Variants in DSCAML1 observed in about 807,000 individuals in gnomAD.
The protein encoded by DSCAML1 is cell adhesion molecule DSCAML1.
DSCAML1 carries 38 observed loss-of-function variants against 200.5 expected under a neutral mutation model. The observed-to-expected ratio is 0.19, with a 90% CI of 0.15 to 0.25. The LOEUF is 0.25. DSCAML1 is among the 10% of genes least tolerant of loss of function. DSCAML1 has a pLI of 1.00. For missense variants in DSCAML1, 2,223 were observed against 2,858.8 expected (o/e 0.78, Z 5.07); for synonymous variants, 1,215 against 1,165.0 (o/e 1.04, Z -0.87).
intron 3 of DSCAML1, among the ~76,000 whole-genome samples, chr11:117,563,932 G>T (rs138792222): frequency 6.6e-6 from 1 of 152,124 alleles, no homozygotes; most frequent in Non-Finnish European, 1.5e-5. Flanking sequence ...CATCTGTGAC[G>T]GGTGCCAGTC....
At chr11:117,589,721 T>G (rs1026778413) in intron 3 of DSCAML1, among the ~76,000 whole-genome samples, 4 of 152,220 alleles carry the variant, frequency 2.6e-5, no homozygotes, top group African/African-American at 9.6e-5. Context: ...TACGGAAAGC[T>G]TTCAAACGGG....
chr11:117,556,205 T>C (rs967556677), intron 3 of DSCAML1, among the ~76,000 whole-genome samples: 1 of 152,148 alleles, frequency 6.6e-6, no homozygotes, highest in African/African-American at 2.4e-5. Context: ...AAGAGCTCAG[T>C]GACCCTGCAG....
At position 117,532,367 on chromosome 11, in the gene DSCAML1, C is replaced by G. The variant is rs559334052; in HGVS notation, c.658+9G>C. 2.5e-6 allele frequency: 4 copies of G among 1,612,604 alleles called. No individual in the cohort carries two copies. Among genetic ancestry groups the G allele is most frequent in the Middle Eastern group, 1.7e-4 (1 of 5,984 alleles). ...GCCTGCCCCGTTCTCCCCAGGCCCT[C>G]TCCCCTACCTGTCACAGAGAGGCGT... On this transcript the variant is annotated intron_variant, in intron 4 of 32. Transcript: ENST00000651296.
chr11:117,449,525 A>G (rs924214541), intron 20 of DSCAML1, among the ~76,000 whole-genome samples: 1 of 152,144 alleles, frequency 6.6e-6, no homozygotes, highest in Non-Finnish European at 1.5e-5. Context: ...GAGCAATTTC[A>G]GGGCAGCTTT....
At chr11:117,756,667 G>C (rs1052627145) in intron 3 of DSCAML1, among the ~76,000 whole-genome samples, 6 of 151,854 alleles carry the variant, frequency 4.0e-5, no homozygotes, top group Admixed American at 3.9e-4. Context: ...TTAGGTAAAG[G>C]GCCAAGGGCT....
At chr11:117,511,885 C>T (rs2049625603) in intron 8 of DSCAML1, among the ~76,000 whole-genome samples, 1 of 152,254 alleles carries the variant, frequency 6.6e-6, no homozygotes, top group African/African-American at 2.4e-5. Flanking sequence ...CACGTGCATG[C>T]AATACGTACC....
intron 1 of DSCAML1, among the ~76,000 whole-genome samples, chr11:117,809,485 C>A (rs1307607180): frequency 2.6e-5 from 4 of 152,226 alleles, no homozygotes; most frequent in South Asian, 4.1e-4. Flanking sequence ...TCTGCCTCCC[C>A]CTAGTGCCAC....
intron 3 of DSCAML1, among the ~76,000 whole-genome samples, chr11:117,769,251 T>C (rs796720289): frequency 0.26 from 9,304 of 36,156 alleles, 751 homozygotes; most frequent in East Asian, 0.4. Flanking sequence ...TATATATGTA[T>C]ATATTATATA....
chr11:117,651,966 C>T (rs1044883673), intron 3 of DSCAML1, among the ~76,000 whole-genome samples: 3 of 152,094 alleles, frequency 2.0e-5, no homozygotes, highest in Admixed American at 2.0e-4. Context: ...GTCCAGCCTC[C>T]TAGGGCAGCC....
intron 3 of DSCAML1, among the ~76,000 whole-genome samples, chr11:117,741,358 A>G (rs986112265): frequency 2.6e-5 from 4 of 152,262 alleles, no homozygotes; most frequent in Non-Finnish European, 5.9e-5. Context: ...AATGGTGATG[A>G]TAAGTGCAAT....
At chr11:117,614,894 C>T (rs2051778999) in intron 3 of DSCAML1, among the ~76,000 whole-genome samples, 1 of 152,218 alleles carries the variant, frequency 6.6e-6, no homozygotes, top group Admixed American at 6.5e-5. Context: ...GCCAACACTG[C>T]CCCTGCAGGC....
chr11:117,432,371 A>C lies in DSCAML1; in HGVS notation c.5160T>G (p.Ser1720=), dbSNP rs1003727076. ...GCGTACTGGTTCCTGGCCGGATGTCAGACATGTCGATGAGGGGTCCTGTGC... is the reference window on the plus strand; with the variant it reads ...GCGTACTGGTTCCTGGCCGGATGTCCGACATGTCGATGAGGGGTCCTGTGC... ...IQSTGPLIDM[S]DIRPGTNPVS... is the part of the protein sequence containing the mutation. Residue 1720 remains serine (S), a synonymous_variant, in exon 30 of 33, where the codon TCT becomes TCG. Transcript: ENST00000651296. The C allele has an allele frequency of 2.5e-6, 4 of 1,613,662 alleles. No individual in the cohort carries two copies. In the African/African-American group the frequency reaches 4.0e-5, roughly 16 times the overall value.
intron 3 of DSCAML1, among the ~76,000 whole-genome samples, chr11:117,764,910 T>A (rs1440382352): frequency 6.6e-6 from 1 of 152,150 alleles, no homozygotes; most frequent in Non-Finnish European, 1.5e-5. Context: ...AGAATGAAGC[T>A]CACTCCACAC....
chr11:117,512,799 A>ACACACC (rs1555179361), intron 8 of DSCAML1, among the ~76,000 whole-genome samples: 1,563 of 137,490 alleles, frequency 0.011, 28 homozygotes, highest in African/African-American at 0.038. Flanking sequence ...ACACACACAC[A>ACACACC]CACCCCTCCC....
Position 117,523,273 on chromosome 11 carries a change from GGAGAGAAAGA to G in DSCAML1, c.937+1522_937+1531del, listed in dbSNP as rs113698423. 6.3e-3 allele frequency among the ~76,000 whole-genome samples: 960 copies of G among 152,198 alleles called. 11 individuals carry two copies. Among genetic ancestry groups the G allele is most frequent in the African/African-American group, 0.021 (853 of 41,490 alleles). ...GGTGTGTTGCCCTTCTGACCTATTT[GGAGAGAAAGA>G]GAGAGAAAGAGAGAGAGTGTAGAGC... On this transcript the variant is annotated intron_variant, in intron 5 of 32. Coordinates refer to ENST00000651296, the MANE Select transcript of DSCAML1 (RefSeq NM_020693.4).
At chr11:117,680,817 C>T (rs890886101) in intron 3 of DSCAML1, among the ~76,000 whole-genome samples, 1 of 152,174 alleles carries the variant, frequency 6.6e-6, no homozygotes, top group African/African-American at 2.4e-5. Flanking sequence ...GGGTCCGTTC[C>T]CCTCCCCTAC....
At chr11:117,468,328 A>C (rs889173449) in intron 16 of DSCAML1, among the ~76,000 whole-genome samples, 2 of 152,250 alleles carry the variant, frequency 1.3e-5, no homozygotes, top group South Asian at 4.2e-4. Flanking sequence ...TCCCCTGAGA[A>C]GTCAGCCCAA....
intron 16 of DSCAML1, among the ~76,000 whole-genome samples, chr11:117,468,016 A>G (rs1180510281): frequency 6.6e-6 from 1 of 152,068 alleles, no homozygotes; most frequent in Non-Finnish European, 1.5e-5. Flanking sequence ...GCACACCCCA[A>G]TCTATCCATC....
At chr11:117,517,658 G>A (rs2049799337) in intron 7 of DSCAML1, among the ~76,000 whole-genome samples, 1 of 152,282 alleles carries the variant, frequency 6.6e-6, no homozygotes. Flanking sequence ...CTACCCCCAC[G>A]GCAACCAGGG....
Sources: gnomAD v4.1 joint callset for allele counts (sites outside exome capture counted in the v4.1 genomes callset) on GRCh38, gnomAD v4.1.1 for gene constraint, MANE v1.5 for transcripts, NCBI Gene and HGNC (gene_info 2026-07-23, HGNC 2026-07-21) for gene names.